Variants in RSPO2 observed in about 807,000 individuals in gnomAD.
The protein encoded by RSPO2 is R-spondin-2.
In RSPO2, 14 loss-of-function variants were observed where a neutral mutation model predicts 30.9. The observed-to-expected ratio is 0.45, with a 90% CI of 0.30 to 0.71. The LOEUF (loss-of-function observed/expected upper bound fraction) is 0.71. RSPO2 is among the 30% of genes least tolerant of loss of function. The pLI, the probability that RSPO2 is intolerant of heterozygous loss-of-function variation, is 0.08. For synonymous variants in RSPO2, 107 were observed against 96.4 expected (o/e 1.11, Z -0.64); for missense variants, 264 against 301.9 (o/e 0.87, Z 0.93).
At chr8:108,061,880 C>T (rs988913470) in intron 2 of RSPO2, among the ~76,000 whole-genome samples, 6 of 151,860 alleles carry the variant, frequency 4.0e-5, no homozygotes, top group African/African-American at 1.2e-4. Flanking sequence ...GATTAAGAAA[C>T]TCACTCAAAA....
intron 3 of RSPO2, among the ~76,000 whole-genome samples, chr8:107,966,709 A>G (rs1015504516): frequency 4.6e-5 from 7 of 152,216 alleles, no homozygotes; most frequent in African/African-American, 7.2e-5. Flanking sequence ...TTCTCTTCCC[A>G]GCTAAATTAA....
intron 3 of RSPO2, among the ~76,000 whole-genome samples, chr8:107,975,382 A>T (rs186632873): frequency 3.5e-4 from 53 of 152,246 alleles, no homozygotes; most frequent in African/African-American, 1.3e-3. Flanking sequence ...ATAGGATGTC[A>T]TCAGCCACAC....
chr8:108,077,187 GA>G (rs1396072277), intron 2 of RSPO2, among the ~76,000 whole-genome samples: 1 of 152,096 alleles, frequency 6.6e-6, no homozygotes, highest in Non-Finnish European at 1.5e-5. Flanking sequence ...TTAAAGAAAA[GA>G]AAATCTTTTT....
chr8:107,965,389 C>CG (rs1346412018), intron 3 of RSPO2, among the ~76,000 whole-genome samples: 1 of 152,156 alleles, frequency 6.6e-6, no homozygotes, highest in Non-Finnish European at 1.5e-5. Context: ...TACAGTACCC[C>CG]GTACGGGCTC....
rs1415968022 is a variant in RSPO2, at chr8:107,899,479, A to G, written c.*1596T>C. 1 of 152,580 alleles carries G rather than the reference A, an allele frequency of 6.6e-6. No individual in the cohort carries two copies. The highest frequency in any genetic ancestry group is 6.5e-5 in the Admixed American group (1 of 15,274). 9.5% of individuals were successfully genotyped at this position (152,580 alleles called of 1,614,324 possible). On this transcript the variant is annotated 3_prime_UTR_variant, in exon 6 of 6. Transcript: ENST00000276659. ...GGTAACACTTCAGGATTAAATGTAAACCCTAAAGTTGTATACAACATTCAT... is the reference window on the plus strand; with the variant it reads ...GGTAACACTTCAGGATTAAATGTAAGCCCTAAAGTTGTATACAACATTCAT...
At chr8:107,922,627 C>T (rs972261302) in intron 5 of RSPO2, among the ~76,000 whole-genome samples, 2 of 151,916 alleles carry the variant, frequency 1.3e-5, no homozygotes, top group South Asian at 2.1e-4. Context: ...AAACTGAGCC[C>T]AAGTAGACAA....
intron 5 of RSPO2, among the ~76,000 whole-genome samples, chr8:107,916,171 C>A (rs1158792802): frequency 6.6e-6 from 1 of 152,148 alleles, no homozygotes; most frequent in Non-Finnish European, 1.5e-5. Context: ...ACTTTAATGA[C>A]TTTTTCTTCA....
At chr8:107,914,957 AC>A (rs1811934707) in intron 5 of RSPO2, among the ~76,000 whole-genome samples, 1 of 152,164 alleles carries the variant, frequency 6.6e-6, no homozygotes. Context: ...TCTTTGAAAG[AC>A]AACTGCAGCT....
At chr8:107,992,288 G>C (rs1814874906) in intron 2 of RSPO2, among the ~76,000 whole-genome samples, 1 of 151,974 alleles carries the variant, frequency 6.6e-6, no homozygotes, top group African/African-American at 2.4e-5. Context: ...ATTATCCTTA[G>C]CAAACTAACA....
At chr8:107,972,803 T>C (rs1219091997) in intron 3 of RSPO2, among the ~76,000 whole-genome samples, 2 of 152,138 alleles carry the variant, frequency 1.3e-5, no homozygotes, top group Non-Finnish European at 2.9e-5. Context: ...TGTTACATCA[T>C]TTGTCTAAGC....
chr8:108,081,468 G>A (rs548400077), intron 2 of RSPO2, among the ~76,000 whole-genome samples: 1 of 152,310 alleles, frequency 6.6e-6, no homozygotes, highest in East Asian at 1.9e-4. Flanking sequence ...CCAAAGTGCC[G>A]AATGAAATAG....
At chr8:107,963,834 A>C (rs923002943) in intron 3 of RSPO2, among the ~76,000 whole-genome samples, 1 of 152,190 alleles carries the variant, frequency 6.6e-6, no homozygotes, top group African/African-American at 2.4e-5. Flanking sequence ...ACAGGCAAGA[A>C]TAAAGGCATC....
chr8:108,056,955 G>A (rs1812267310), intron 2 of RSPO2, among the ~76,000 whole-genome samples: 1 of 148,704 alleles, frequency 6.7e-6, no homozygotes, highest in South Asian at 2.1e-4. Flanking sequence ...TACTCAGGAG[G>A]CTGAGGCAGG....
intron 2 of RSPO2, among the ~76,000 whole-genome samples, chr8:108,079,576 TTA>T (rs1294629363): frequency 6.6e-6 from 1 of 152,144 alleles, no homozygotes; most frequent in African/African-American, 2.4e-5. Context: ...GCCAAGAATT[TTA>T]TTTCATTAAG....
At position 108,056,239 on chromosome 8, in the gene RSPO2, C is replaced by T. The variant is rs928454357; in HGVS notation, c.94+26306G>A. ...CAGAGAAGTTACCTTAGGCTATGCC[C>T]GGAGTCTTATGCTCCACAGATGCTG... On this transcript the variant is annotated intron_variant, in intron 2 of 5. Transcript: ENST00000276659. Among the ~76,000 whole-genome samples the T allele has an allele frequency of 1.4e-4, 22 of 152,182 alleles. 1 individual carries two copies. The highest frequency in any genetic ancestry group is 9.8e-4 in the Admixed American group (15 of 15,280).
In RSPO2 at chr8:107,900,108, T is replaced by C. The variant is rs1811397020; in HGVS notation, c.*967A>G. 6.6e-6 allele frequency: 1 copy of C among 152,204 alleles called. No individual in the cohort carries two copies. Among genetic ancestry groups the C allele is most frequent in the African/African-American group, 2.4e-5 (1 of 41,444 alleles). 9.4% of individuals were successfully genotyped at this position (152,204 alleles called of 1,614,324 possible). A position where few individuals can be genotyped will look rare whatever the true frequency, so the allele number is the denominator to read the frequency against. On this transcript the variant is annotated 3_prime_UTR_variant, in exon 6 of 6. Transcript: ENST00000276659. ...GAAACTGGCTACAAGTGACTGGATA[T>C]AGTCCCTCATGTTTTCAGTTGTGTT...
At chr8:107,935,475 T>C (rs958499902) in intron 5 of RSPO2, among the ~76,000 whole-genome samples, 2 of 151,888 alleles carry the variant, frequency 1.3e-5, no homozygotes, top group East Asian at 1.9e-4. Flanking sequence ...AGAACTCTAA[T>C]AGAAATTAGA....
chr8:107,963,914 C>T (rs1586583380), intron 3 of RSPO2, among the ~76,000 whole-genome samples: 1 of 152,186 alleles, frequency 6.6e-6, no homozygotes, highest in Non-Finnish European at 1.5e-5. Context: ...GTTGAACCTG[C>T]TATAACCTTC....
In RSPO2 at chr8:107,996,622, C is replaced by T. The variant is rs1815034444; in HGVS notation, c.95-7378G>A. On this transcript the variant is annotated intron_variant, in intron 2 of 5. Coordinates refer to ENST00000276659, the MANE Select transcript of RSPO2 (RefSeq NM_178565.5). ...CAGTCATCACATGCTAAAGTTGAAG[C>T]TATACTTTCAGTTCAAAAGTTAAAC... Among the ~76,000 whole-genome samples, 3 of 152,280 alleles carry T rather than the reference C, an allele frequency of 2.0e-5. No individual in the cohort carries two copies. In the East Asian group the frequency reaches 5.8e-4, roughly 29 times the overall value.
Sources: gnomAD v4.1 joint callset for allele counts (sites outside exome capture counted in the v4.1 genomes callset) on GRCh38, gnomAD v4.1.1 for gene constraint, MANE v1.5 for transcripts, NCBI Gene and HGNC (gene_info 2026-07-23, HGNC 2026-07-21) for gene names.